Variants in SKI observed in about 807,000 individuals in gnomAD.
SKI encodes the protein SKI proto-oncogene.
In SKI, 23 loss-of-function variants were observed where a neutral mutation model predicts 59.3. The observed-to-expected ratio is 0.39, with a 90% CI of 0.28 to 0.55. The LOEUF is 0.55. Among genes scored for constraint, SKI ranks in the 20% least tolerant of loss-of-function variants. The pLI is 0.67. For synonymous variants in SKI, 673 were observed against 488.6 expected (o/e 1.38, Z -4.98); for missense variants, 1,017 against 1,038.9 (o/e 0.98, Z 0.29).
intron 1 of SKI, among the ~76,000 whole-genome samples, chr1:2,238,031 A>C (rs1349243335): frequency 6.6e-6 from 1 of 152,178 alleles, no homozygotes; most frequent in African/African-American, 2.4e-5. Context: ...TCTCTGTGCC[A>C]GGCGCTGGGC....
At chr1:2,291,207 T>C (rs1421510048) in intron 1 of SKI, among the ~76,000 whole-genome samples, 1 of 152,252 alleles carries the variant, frequency 6.6e-6, no homozygotes, top group Non-Finnish European at 1.5e-5. Flanking sequence ...TTACCTTCAG[T>C]AGCATCGGAG....
At chr1:2,295,737 T>C (rs1018527815) in intron 1 of SKI, among the ~76,000 whole-genome samples, 8 of 148,342 alleles carry the variant, frequency 5.4e-5, no homozygotes, top group African/African-American at 2.0e-4. Flanking sequence ...AGGCCACGTG[T>C]GACTGTGTGT....
rs546777692 is a variant in SKI, at chr1:2,307,579, C to G, written c.*814C>G. On this transcript the variant is annotated 3_prime_UTR_variant, in exon 7 of 7. Transcript: ENST00000378536. ...CTGGCGGTCACGCCCTCAGCCCCTC[C>G]GGGCACACGTGCCGCCTGACCGGGC... 1.3e-5 allele frequency: 2 copies of G among 152,462 alleles called. No homozygotes were observed. The highest frequency in any genetic ancestry group is 2.9e-5 in the Non-Finnish European group (2 of 68,050). The allele number at this position is 152,462 out of a possible 1,614,324, so 9.4% of individuals were successfully genotyped here.
At chr1:2,277,801 C>T (rs1298474880) in intron 1 of SKI, among the ~76,000 whole-genome samples, 2 of 146,816 alleles carry the variant, frequency 1.4e-5, no homozygotes, top group Admixed American at 6.8e-5. Flanking sequence ...CGTGAGCGCA[C>T]ACACCTGCAC....
At position 2,303,443 on chromosome 1, in the gene SKI, G is replaced by A; in HGVS notation, c.1211+43G>A. On this transcript the variant is annotated intron_variant, in intron 3 of 6. Transcript: ENST00000378536. This position sits in a 1 kb window ranked among gnomAD's most constrained non-coding sequence, Gnocchi z 5.6. ...ACAGGTGTTTCTGATCACGGGGGAG[G>A]CTCCACGAGGGCTGTGCATGCGGAC... The A allele has an allele frequency of 3.9e-6, 6 of 1,535,770 alleles. No homozygotes were observed. The highest frequency in any genetic ancestry group is 5.4e-6 in the Non-Finnish European group (6 of 1,113,730).
At chr1:2,279,323 G>C (rs1313676144) in intron 1 of SKI, among the ~76,000 whole-genome samples, 1 of 152,132 alleles carries the variant, frequency 6.6e-6, no homozygotes, top group Non-Finnish European at 1.5e-5. Context: ...ACCACCCTCT[G>C]ATGACGGTGG....
At chr1:2,246,852 A>AT (rs1263029222) in intron 1 of SKI, among the ~76,000 whole-genome samples, 2 of 114,776 alleles carry the variant, frequency 1.7e-5, no homozygotes, top group Non-Finnish European at 3.6e-5. Flanking sequence ...GAGGAACCTG[A>AT]TGGGGGGGGC....
chr1:2,280,631 C>T (rs567789509), intron 1 of SKI, among the ~76,000 whole-genome samples: 493 of 139,214 alleles, frequency 3.5e-3, no homozygotes, highest in Non-Finnish European at 5.5e-3. Context: ...CAGGCGGCGG[C>T]GGCGATCTTC....
chr1:2,271,948 A>C (rs888787343), intron 1 of SKI, among the ~76,000 whole-genome samples: 10 of 152,020 alleles, frequency 6.6e-5, no homozygotes, highest in Non-Finnish European at 8.8e-5. Context: ...GGACTGGGAG[A>C]GACACTCCGG....
intron 1 of SKI, among the ~76,000 whole-genome samples, chr1:2,234,883 C>T (rs1248147705): frequency 6.6e-6 from 1 of 152,134 alleles, no homozygotes; most frequent in Non-Finnish European, 1.5e-5. Flanking sequence ...AGGGCTCTTC[C>T]CCTCCTGAGC....
At chr1:2,233,183 A>T (rs553437608) in intron 1 of SKI, among the ~76,000 whole-genome samples, 2 of 128,732 alleles carry the variant, frequency 1.6e-5, no homozygotes, top group Admixed American at 8.3e-5. Flanking sequence ...TCCTGCTCCA[A>T]GGGGGGGTCC....
chr1:2,303,243 T>G lies in SKI; in HGVS notation c.1096-42T>G, dbSNP rs1640472126. On this transcript the variant is annotated intron_variant, in intron 2 of 6. Coordinates refer to ENST00000378536, the MANE Select transcript of SKI (RefSeq NM_003036.4). This position sits in a 1 kb window ranked among gnomAD's most constrained non-coding sequence, Gnocchi z 5.6. ...AGCCTCAGGGACATGAAGTGGCTTG[T>G]TTTTCTCCTGGTCACTCACACAGAC... 6.2e-7 allele frequency: 1 copy of G among 1,607,846 alleles called. No homozygotes were observed. The highest frequency in any genetic ancestry group is 2.2e-5 in the East Asian group (1 of 44,832).
chr1:2,257,902 C>T (rs1008692047), intron 1 of SKI, among the ~76,000 whole-genome samples: 3 of 151,996 alleles, frequency 2.0e-5, no homozygotes, highest in African/African-American at 7.2e-5. Flanking sequence ...CCATGCCTGG[C>T]TAATTTTGTA....
At chr1:2,300,896 C>G (rs560340699) in intron 1 of SKI, among the ~76,000 whole-genome samples, 31 of 152,310 alleles carry the variant, frequency 2.0e-4, no homozygotes, top group East Asian at 1.9e-3. Context: ...GGCCCCGGGC[C>G]TACGGTCCTC....
intron 1 of SKI, among the ~76,000 whole-genome samples, chr1:2,266,786 T>C (rs886132769): frequency 1.3e-5 from 2 of 152,190 alleles, no homozygotes; most frequent in African/African-American, 2.4e-5. Context: ...GGTGCTGTCG[T>C]CACAGCGGCC....
intron 1 of SKI, among the ~76,000 whole-genome samples, chr1:2,246,189 C>G (rs902262965): frequency 1.3e-5 from 2 of 152,196 alleles, no homozygotes; most frequent in Non-Finnish European, 2.9e-5. Context: ...TCTTTGCATC[C>G]TCTCCAGCAC....
Position 2,309,225 on chromosome 1 carries a change from A to G in SKI, c.*2460A>G, listed in dbSNP as rs1640681528. The stretch of plus-strand genomic sequence containing the variant: ...TGCGAGTCCGTTTCTTTTCAGCAGA[A>G]GGGGGAAGAGGTGTCCGCTGTGTGG... On this transcript the variant is annotated 3_prime_UTR_variant, in exon 7 of 7. Coordinates refer to ENST00000378536, the MANE Select transcript of SKI (RefSeq NM_003036.4). 6.6e-6 allele frequency: 1 copy of G among 152,176 alleles called. No homozygotes were observed. The highest frequency in any genetic ancestry group is 2.4e-5 in the African/African-American group (1 of 41,424). The allele number at this position is 152,176 out of a possible 1,614,324, so 9.4% of individuals were successfully genotyped here. A position where few individuals can be genotyped will look rare whatever the true frequency, so the allele number is the denominator to read the frequency against.
At chr1:2,299,567 G>A (rs1158523937) in intron 1 of SKI, among the ~76,000 whole-genome samples, 1 of 152,192 alleles carries the variant, frequency 6.6e-6, no homozygotes, top group Non-Finnish European at 1.5e-5. Context: ...CAGGGTAGGG[G>A]ACATGGAGCG....
intron 1 of SKI, among the ~76,000 whole-genome samples, chr1:2,262,011 T>G (rs1346150806): frequency 2.6e-5 from 3 of 113,772 alleles, no homozygotes; most frequent in African/African-American, 1.0e-4. Flanking sequence ...GTGGTGGGAG[T>G]GGACGCCCTC....
Sources: gnomAD v4.1 joint callset for allele counts (sites outside exome capture counted in the v4.1 genomes callset) on GRCh38, gnomAD v4.1.1 for gene constraint, Gnocchi (gnomAD v3.1) non-coding constraint, MANE v1.5 for transcripts, NCBI Gene and HGNC (gene_info 2026-07-23, HGNC 2026-07-21) for gene names.